Variants in URI1 observed in about 807,000 individuals in gnomAD.
URI1 encodes unconventional prefoldin RPB5 interactor 1.
A neutral mutation model predicts 60.2 loss-of-function variants in URI1; 39 were observed. That is an observed-to-expected ratio of 0.65 (90% CI 0.50 to 0.85). The LOEUF is 0.85. Ranked by LOEUF, URI1 falls within the 40% of genes least tolerant of loss-of-function variation. The pLI, the probability that URI1 is intolerant of heterozygous loss-of-function variation, is 0.00. For synonymous variants in URI1, 251 were observed against 236.8 expected, an observed-to-expected ratio of 1.06 and a Z score of -0.55; for missense variants, 691 against 665.9, an observed-to-expected ratio of 1.04 and a Z score of -0.42.
intron 3 of URI1, among the ~76,000 whole-genome samples, chr19:29,985,925 A>C (rs2055662779): frequency 6.6e-6 from 1 of 152,190 alleles, no homozygotes; most frequent in African/African-American, 2.4e-5. Flanking sequence ...TTTCTTTATC[A>C]AAAGTATTTT....
At position 29,986,417 on chromosome 19, in the gene URI1, C is replaced by G. The variant is rs200364419; in HGVS notation, c.367C>G (p.His123Asp). 7 of 1,603,190 alleles carry G rather than the reference C, an allele frequency of 4.4e-6. No homozygotes were observed. The Admixed American group carries it at 5.4e-5, about 12-fold the overall frequency. The change falls in exon 4 of 11, where the codon CAT becomes GAT. Residue 123 changes from histidine to aspartate, a missense_variant and splice_region_variant. Coordinates refer to ENST00000392271, the MANE Select transcript of URI1 (RefSeq NM_003796.3). ...AGGTTTAGTTGAGCACCGGAAAGAA[C>G]GTAGGTACCCATTTTAAATGATGTT... ...AVGLVEHRKE[H>D]VRKTIDDLKK...
intron 6 of URI1, among the ~76,000 whole-genome samples, chr19:30,006,752 T>C (rs976821437): frequency 6.6e-6 from 1 of 152,126 alleles, no homozygotes; most frequent in African/African-American, 2.4e-5. Context: ...TACTTTCCCA[T>C]TACTTTGCTT....
At chr19:29,986,560 G>GT in intron 4 of URI1, 143 bp downstream of exon 4, 3 of 1,061,426 alleles carry the variant, frequency 2.8e-6, no homozygotes, top group Non-Finnish European at 4.0e-6. Flanking sequence ...ATTGTAGGTA[G>GT]TTTGAGTAGA....
intron 1 of URI1, among the ~76,000 whole-genome samples, chr19:29,951,399 A>G (rs1568412525): frequency 6.6e-6 from 1 of 152,128 alleles, no homozygotes; most frequent in Non-Finnish European, 1.5e-5. Flanking sequence ...TCGAGCAACA[A>G]GAACTCTAGC....
chr19:29,942,804 C>T, intron 1 of URI1, 140 bp downstream of exon 1: 1 of 1,098,124 alleles, frequency 9.1e-7, no homozygotes, highest in Non-Finnish European at 1.1e-6. Flanking sequence ...TCACGTGCTT[C>T]TGTTGTCTTT....
intron 4 of URI1, among the ~76,000 whole-genome samples, chr19:29,999,254 T>TAC (rs2055849066): frequency 6.6e-6 from 1 of 152,148 alleles, no homozygotes; most frequent in African/African-American, 2.4e-5. Context: ...TGCCTATGTG[T>TAC]TTACCTTTAT....
At chr19:29,936,943 G>A (rs747609595) in intron 1 of URI1, among the ~76,000 whole-genome samples, 1 of 152,022 alleles carries the variant, frequency 6.6e-6, no homozygotes, top group Non-Finnish European at 1.5e-5. Context: ...GTAGAGATGG[G>A]GTTTCACCAT....
intron 2 of URI1, chr19:29,980,035 T>C (rs942792938): frequency 6.6e-6 from 1 of 152,216 alleles, no homozygotes; most frequent in Non-Finnish European, 1.5e-5. Flanking sequence ...TCAATTTGTT[T>C]AGATTGTTTA....
intron 6 of URI1, among the ~76,000 whole-genome samples, chr19:30,006,373 G>A (rs149589201): frequency 2.1e-3 from 321 of 152,184 alleles, no homozygotes; most frequent in Non-Finnish European, 3.1e-3. Flanking sequence ...CTGAGCATTC[G>A]TTTTGACTTT....
At chr19:30,010,157 G>C (rs1360829386) in intron 8 of URI1, among the ~76,000 whole-genome samples, 2 of 152,106 alleles carry the variant, frequency 1.3e-5, no homozygotes, top group Non-Finnish European at 2.9e-5. Flanking sequence ...AACAAAACAG[G>C]AACTCTTTCG....
At chr19:29,961,083 A>G (rs1202346723) in intron 1 of URI1, among the ~76,000 whole-genome samples, 1 of 151,856 alleles carries the variant, frequency 6.6e-6, no homozygotes, top group Non-Finnish European at 1.5e-5. Flanking sequence ...GTGGTCTCGA[A>G]CTCCTGGCCT....
At chr19:29,965,588 C>T (rs1372071544) in intron 1 of URI1, among the ~76,000 whole-genome samples, 2 of 152,172 alleles carry the variant, frequency 1.3e-5, no homozygotes, top group Non-Finnish European at 2.9e-5. Context: ...ATGTTTACTA[C>T]ATGGCCCTAC....
chr19:29,958,679 C>T (rs2055282061), intron 1 of URI1, among the ~76,000 whole-genome samples: 1 of 151,190 alleles, frequency 6.6e-6, no homozygotes, highest in Non-Finnish European at 1.5e-5. Flanking sequence ...ATTAACTCTA[C>T]CAGGGTGCTG....
In URI1 at chr19:30,009,314, A is replaced by G; in HGVS notation, c.996A>G (p.Ile332Met). ...HEALGVGDNS[I>M]PTIYFSHTVE... ...CTTTAGGGGTTGGAGATAATTCTAT[A>G]CCAACAATATATTTTTCACATACTG... Residue 332 changes from isoleucine (I) to methionine (M), a missense_variant, in exon 8 of 11, where the codon ATA becomes ATG. Physicochemically the swap from Ile to Met is conservative, Grantham distance 10 (BLOSUM62 1). Transcript: ENST00000392271. 1 of 1,614,074 alleles carries G rather than the reference A, an allele frequency of 6.2e-7. No homozygotes were observed. The highest frequency in any genetic ancestry group is 8.5e-7 in the Non-Finnish European group (1 of 1,179,952).
At chr19:29,929,740 G>A (rs903302441) in intron 1 of URI1, among the ~76,000 whole-genome samples, 1 of 152,038 alleles carries the variant, frequency 6.6e-6, no homozygotes, top group Admixed American at 6.6e-5. Flanking sequence ...TTGGCCATTT[G>A]TATATCTTCT....
chr19:29,958,746 G>A (rs1258900744), intron 1 of URI1, among the ~76,000 whole-genome samples: 2 of 151,872 alleles, frequency 1.3e-5, no homozygotes, highest in Non-Finnish European at 2.9e-5. Flanking sequence ...GATCACGTGA[G>A]GTCAGGGGTT....
intron 1 of URI1, among the ~76,000 whole-genome samples, chr19:29,945,916 A>C (rs2055097480): frequency 6.6e-6 from 1 of 152,170 alleles, no homozygotes; most frequent in African/African-American, 2.4e-5. Flanking sequence ...TTTAACGAAA[A>C]TTGGAATGTT....
intron 1 of URI1, among the ~76,000 whole-genome samples, chr19:29,967,765 C>T (rs181197001): frequency 1.4e-4 from 22 of 152,202 alleles, no homozygotes; most frequent in African/African-American, 4.1e-4. Flanking sequence ...AGATAGAATC[C>T]CTGATAGAAA....
chr19:29,956,622 G>T, intron 1 of URI1: 1 of 1,500,192 alleles, frequency 6.7e-7, no homozygotes, highest in South Asian at 1.1e-5. Context: ...GAACCCTGCG[G>T]ATGTATTTTT....
Sources: gnomAD v4.1 joint callset for allele counts (sites outside exome capture counted in the v4.1 genomes callset) on GRCh38, gnomAD v4.1.1 for gene constraint, MANE v1.5 for transcripts, NCBI Gene and HGNC (gene_info 2026-07-23, HGNC 2026-07-21) for gene names.